COL4A5: variants seen among roughly 807,000 people sequenced by gnomAD.
The protein encoded by COL4A5 is collagen type IV alpha 5 chain.
A neutral mutation model predicts 130.2 loss-of-function variants in COL4A5; 26 were observed. That is an observed-to-expected ratio of 0.20 (90% CI 0.15 to 0.28). COL4A5 has a LOEUF of 0.28. Among genes scored for constraint, COL4A5 ranks in the 10% least tolerant of loss-of-function variants. COL4A5 has a pLI of 1.00. For missense variants in COL4A5, 1,131 were observed against 1,344.3 expected, an observed-to-expected ratio of 0.84 and a Z score of 2.48; for synonymous variants, 496 against 439.6, an observed-to-expected ratio of 1.13 and a Z score of -1.60.
At chrX:108,639,505 C>T (rs996038955) in intron 36 of COL4A5, among the ~76,000 whole-genome samples, 2 of 111,002 alleles carry the variant, frequency 1.8e-5, no homozygotes, top group Admixed American at 9.6e-5. Flanking sequence ...ACCGAAATCA[C>T]AGGCAACAAA....
At chrX:108,634,697 A>G (rs1337985085) in intron 36 of COL4A5, among the ~76,000 whole-genome samples, 1 of 111,859 alleles carries the variant, frequency 8.9e-6, no homozygotes. Context: ...CATTTACCAA[A>G]TAAATATTGG....
chrX:108,622,648 AT>A, intron 32 of COL4A5, 27 bp from the exon 33 acceptor site: 1 of 1,201,705 alleles, frequency 8.3e-7, no homozygotes, highest in Non-Finnish European at 1.1e-6. Flanking sequence ...AAATTGATAT[AT>A]TGTGTTTTCA....
chrX:108,456,647 A>G (rs985605929), intron 1 of COL4A5, among the ~76,000 whole-genome samples: 13 of 111,713 alleles, frequency 1.2e-4, no homozygotes, highest in African/African-American at 4.2e-4. Context: ...TTTAAGGAAG[A>G]TACTCAATAT....
At chrX:108,560,119 T>C (rs1299135792) in intron 3 of COL4A5, among the ~76,000 whole-genome samples, 1 of 111,816 alleles carries the variant, frequency 8.9e-6, no homozygotes, top group Non-Finnish European at 1.9e-5. Flanking sequence ...GAGGCCACAG[T>C]AGATTATGGT....
intron 36 of COL4A5, among the ~76,000 whole-genome samples, chrX:108,639,542 T>G (rs1292006990): frequency 2.7e-5 from 3 of 111,064 alleles, no homozygotes; most frequent in Non-Finnish European, 5.7e-5. Flanking sequence ...TTGGACAACA[T>G]CAAAATGTTA....
chrX:108,694,657 C>G, intron 50 of COL4A5, 150 bp from the exon 51 acceptor site: 1 of 508,699 alleles, frequency 2.0e-6, no homozygotes, highest in South Asian at 2.7e-5. Flanking sequence ...TTAGCAAATG[C>G]AATCCTCAAA....
intron 1 of COL4A5, among the ~76,000 whole-genome samples, chrX:108,510,062 A>G (rs1267090039): frequency 3.6e-5 from 4 of 112,377 alleles, no homozygotes; most frequent in Non-Finnish European, 7.5e-5. Context: ...AGAACAGAAT[A>G]CCAAATGCTG....
chrX:108,620,455 G>A lies in COL4A5; in HGVS notation c.2677+29G>A, dbSNP rs775014237. On this transcript the variant is annotated intron_variant, in intron 31 of 52. Transcript: ENST00000328300. Reference sequence around the variant, plus strand: ...ATTTGTTTAAAGTTTTCTCTGATTTGGATTAAGGAAATTAAAACTAATACG... The same window carrying A: ...ATTTGTTTAAAGTTTTCTCTGATTTAGATTAAGGAAATTAAAACTAATACG... 12 of 1,147,886 alleles carry A rather than the reference G, an allele frequency of 1.0e-5. No homozygotes were observed. The South Asian group carries it at 2.2e-4, about 21-fold the overall frequency. 94.6% of individuals were successfully genotyped at this position (1,147,886 alleles called of 1,213,427 possible).
chrX:108,688,567 C>T (rs2147992773), intron 49 of COL4A5, among the ~76,000 whole-genome samples: 1 of 110,997 alleles, frequency 9.0e-6, no homozygotes, highest in East Asian at 2.8e-4. Flanking sequence ...TCCGAAGTAG[C>T]TGGGAATTAC....
intron 2 of COL4A5, among the ~76,000 whole-genome samples, chrX:108,542,543 T>C (rs1339996869): frequency 9.0e-6 from 1 of 111,031 alleles, no homozygotes; most frequent in Non-Finnish European, 1.9e-5. Flanking sequence ...GTCTTTGCTA[T>C]TGTGAATAGT....
intron 3 of COL4A5, among the ~76,000 whole-genome samples, chrX:108,561,022 T>C (rs1292390843): frequency 9.0e-6 from 1 of 111,708 alleles, no homozygotes; most frequent in African/African-American, 3.3e-5. Context: ...CAGGAGGTAT[T>C]TTCTTCCTGT....
intron 1 of COL4A5, among the ~76,000 whole-genome samples, chrX:108,516,015 A>G (rs777319069): frequency 3.6e-5 from 4 of 111,984 alleles, no homozygotes; most frequent in South Asian, 3.7e-4. Flanking sequence ...CCTTACTGAA[A>G]ATGGTAGCAG....
At chrX:108,669,130 A>C (rs1260829168) in intron 41 of COL4A5, among the ~76,000 whole-genome samples, 1 of 112,047 alleles carries the variant, frequency 8.9e-6, no homozygotes, top group Non-Finnish European at 1.9e-5. Context: ...TCAGTTTTGC[A>C]TCCAATGTTC....
At chrX:108,535,501 T>G (rs1371013449) in intron 1 of COL4A5, among the ~76,000 whole-genome samples, 2 of 111,365 alleles carry the variant, frequency 1.8e-5, no homozygotes, top group East Asian at 5.6e-4. Context: ...AGAAGGTCAA[T>G]GCAGTCAGAG....
chrX:108,501,298 A>G (rs759073238), intron 1 of COL4A5, among the ~76,000 whole-genome samples: 2 of 111,653 alleles, frequency 1.8e-5, no homozygotes, highest in East Asian at 2.8e-4. Flanking sequence ...TTACCCCATA[A>G]TCCTTCCCTT....
chrX:108,662,348 C>A (rs912584960), intron 37 of COL4A5, among the ~76,000 whole-genome samples: 1 of 110,791 alleles, frequency 9.0e-6, no homozygotes, highest in Non-Finnish European at 1.9e-5. Flanking sequence ...CTGTTGGCAA[C>A]AAATTGTCTT....
At chrX:108,548,058 G>A (rs191468006) in intron 2 of COL4A5, among the ~76,000 whole-genome samples, 1,281 of 111,592 alleles carry the variant, frequency 0.011, 21 homozygotes, top group African/African-American at 0.038. Context: ...TGCACTTCCC[G>A]GGTGAGGCGA....
At chrX:108,606,485 C>G (rs1336393762) in intron 28 of COL4A5, among the ~76,000 whole-genome samples, 1 of 109,845 alleles carries the variant, frequency 9.1e-6, no homozygotes, top group Admixed American at 9.6e-5. Flanking sequence ...GTTCTTTAAT[C>G]TCATGCTCTC....
chrX:108,626,492 T>G lies in COL4A5; in HGVS notation c.3246+143T>G. 3 of 1,157,043 alleles carry G rather than the reference T, an allele frequency of 2.6e-6. No individual in the cohort carries two copies. The East Asian group carries it at 9.5e-5, about 37-fold the overall frequency. On this transcript the variant is annotated intron_variant, in intron 36 of 52. Coordinates refer to ENST00000328300, the MANE Select transcript of COL4A5 (RefSeq NM_033380.3). ...TAAGAGATTTATTCCTTTTCTTTTCTCTTAGATGATAAGAAGATATGTTTT... is the reference window on the plus strand; with the variant it reads ...TAAGAGATTTATTCCTTTTCTTTTCGCTTAGATGATAAGAAGATATGTTTT...
Sources: allele counts gnomAD v4.1 joint callset (sites outside exome capture counted in the v4.1 genomes callset), GRCh38; gene constraint gnomAD v4.1.1; transcripts MANE v1.5; gene names NCBI Gene and HGNC (gene_info 2026-07-23, HGNC 2026-07-21).